Variants in RELL1 observed in about 807,000 individuals in gnomAD.
The protein encoded by RELL1 is RELT like 1, also known as RELT-like protein 1.
A neutral mutation model predicts 23.0 loss-of-function variants in RELL1; 10 were observed. The ratio of observed to expected loss-of-function variants is 0.43; its 90% CI spans 0.27 to 0.74. The LOEUF (loss-of-function observed/expected upper bound fraction) is 0.74. Among genes scored for constraint, RELL1 ranks in the 30% least tolerant of loss-of-function variants. The probability of loss-of-function intolerance (pLI) is 0.19; values close to 1 mark genes in which losing one functional copy is unlikely to be tolerated. For synonymous variants in RELL1, 146 were observed against 146.8 expected, an observed-to-expected ratio of 0.99 and a Z score of 0.04; for missense variants, 315 against 364.4, an observed-to-expected ratio of 0.86 and a Z score of 1.10.
intron 1 of RELL1, among the ~76,000 whole-genome samples, chr4:37,655,810 G>A (rs951873709): frequency 1.3e-5 from 2 of 152,240 alleles, no homozygotes; most frequent in Non-Finnish European, 2.9e-5. Flanking sequence ...AACAGCCAGA[G>A]CTCCAGTCTA....
intron 1 of RELL1, among the ~76,000 whole-genome samples, chr4:37,653,812 T>A (rs1419123598): frequency 1.3e-5 from 2 of 152,230 alleles, no homozygotes; most frequent in Admixed American, 1.3e-4. Context: ...CCAGCCACCA[T>A]GCTGTGAGGA....
intron 6 of RELL1, among the ~76,000 whole-genome samples, chr4:37,629,475 T>C (rs941446124): frequency 2.0e-5 from 3 of 152,234 alleles, no homozygotes; most frequent in African/African-American, 7.2e-5. Context: ...GACTAGAATA[T>C]TGAATTAACG....
chr4:37,638,771 A>C (rs1720422501), intron 3 of RELL1, among the ~76,000 whole-genome samples: 1 of 152,192 alleles, frequency 6.6e-6, no homozygotes, highest in African/African-American at 2.4e-5. Flanking sequence ...TGCTTCTTAC[A>C]CATCAATAGC....
chr4:37,593,857 C>G (rs1718733304), intron 6 of RELL1, among the ~76,000 whole-genome samples: 1 of 152,168 alleles, frequency 6.6e-6, no homozygotes, highest in South Asian at 2.1e-4. Flanking sequence ...GACTGGACAG[C>G]TACCGCTGCT....
downstream of RELL1, chr4:37,588,949 T>G (rs1252299975): frequency 1.4e-6 from 2 of 1,414,224 alleles, no homozygotes; most frequent in Non-Finnish European, 2.0e-6. Flanking sequence ...GTGATGAGCG[T>G]GGGGTCACTT....
rs958881869 is a variant in RELL1, at chr4:37,649,413, A to G, written c.176T>C (p.Ile59Thr). Residue 59 changes from isoleucine to threonine, a missense_variant, in exon 2 of 7, where the codon ATT becomes ACT. Coordinates refer to ENST00000454158, the MANE Select transcript of RELL1 (RefSeq NM_001085400.2). ...GAACACAGGGACAAGCGCGTATGCA[A>G]TATATTCTGGGTGTCCATTCCCAGT... ...NDTGNGHPEYIAYALVPVFFI... is the reference protein window; with the variant it reads ...NDTGNGHPEYTAYALVPVFFI... The G allele has an allele frequency of 1.2e-6, 2 of 1,614,244 alleles. No individual in the cohort carries two copies. The highest frequency in any genetic ancestry group is 1.7e-6 in the Non-Finnish European group (2 of 1,180,034).
intron 6 of RELL1, among the ~76,000 whole-genome samples, chr4:37,598,977 G>C (rs2940989): frequency 6.6e-6 from 1 of 151,932 alleles, no homozygotes; most frequent in African/African-American, 2.4e-5. Context: ...GAGCCACCGC[G>C]CCTGGCCCAA....
At chr4:37,590,885 A>G (rs988952739) in exon 7 of RELL1, 13 of 1,614,214 alleles carry the variant, frequency 8.1e-6, no homozygotes, top group Non-Finnish European at 1.0e-5. Flanking sequence ...GAGGATACCC[A>G]TGGCTCCGAT....
chr4:37,664,701 T>C (rs960943598), intron 1 of RELL1, among the ~76,000 whole-genome samples: 1 of 152,180 alleles, frequency 6.6e-6, no homozygotes, highest in Admixed American at 6.5e-5. Context: ...CACTTTTCAA[T>C]GCACTTTCAC....
At chr4:37,646,605 TACC>T (rs1409051010) in intron 3 of RELL1, among the ~76,000 whole-genome samples, 2 of 152,244 alleles carry the variant, frequency 1.3e-5, no homozygotes, top group Non-Finnish European at 2.9e-5. Context: ...ATGTGTATTT[TACC>T]ACAATTTTTT....
chr4:37,667,783 T>C (rs888056995), intron 1 of RELL1, among the ~76,000 whole-genome samples: 4 of 152,098 alleles, frequency 2.6e-5, no homozygotes, highest in African/African-American at 9.7e-5. Flanking sequence ...TCTGCTGCCA[T>C]TTGTAAGATA....
intron 3 of RELL1, among the ~76,000 whole-genome samples, chr4:37,646,867 A>T (rs1483491825): frequency 1.3e-5 from 2 of 152,092 alleles, no homozygotes; most frequent in Non-Finnish European, 2.9e-5. Flanking sequence ...AGCTGGGAAC[A>T]TAGGAATGTG....
chr4:37,648,682 A>T (rs1467884044), intron 2 of RELL1, among the ~76,000 whole-genome samples: 4 of 152,234 alleles, frequency 2.6e-5, no homozygotes, highest in African/African-American at 9.6e-5. Context: ...AGCTCTTGTC[A>T]TACTTTTTTC....
chr4:37,592,081 G>A (rs1395166842), intron 6 of RELL1, among the ~76,000 whole-genome samples: 4 of 151,836 alleles, frequency 2.6e-5, no homozygotes, highest in Admixed American at 6.6e-5. Context: ...GGTGGCGGGC[G>A]CCTGTAATCC....
At chr4:37,647,509 A>T in intron 2 of RELL1, 70 bp from the exon 3 acceptor site, 1 of 1,031,012 alleles carries the variant, frequency 9.7e-7, no homozygotes. Flanking sequence ...CAATCTTAGA[A>T]CCCAAGACCT....
intron 6 of RELL1, among the ~76,000 whole-genome samples, chr4:37,625,676 T>A (rs529177804): frequency 2.5e-4 from 38 of 152,278 alleles, no homozygotes; most frequent in Middle Eastern, 6.8e-3. Flanking sequence ...AAAGACTGTA[T>A]CAGAAATCTA....
intron 1 of RELL1, among the ~76,000 whole-genome samples, chr4:37,681,974 T>C (rs1292861490): frequency 6.6e-6 from 1 of 152,076 alleles, no homozygotes; most frequent in African/African-American, 2.4e-5. Flanking sequence ...AATAGTTTAG[T>C]AATAATAAGC....
At chr4:37,601,672 G>A (rs1437017819) in intron 6 of RELL1, among the ~76,000 whole-genome samples, 1 of 152,240 alleles carries the variant, frequency 6.6e-6, no homozygotes, top group South Asian at 2.1e-4. Context: ...TGGCGATGGA[G>A]TGAAGGCAGC....
intron 6 of RELL1, among the ~76,000 whole-genome samples, chr4:37,597,605 GCT>G (rs1383969911): frequency 2.0e-5 from 3 of 152,182 alleles, no homozygotes; most frequent in Non-Finnish European, 4.4e-5. Flanking sequence ...CCGACGTGCT[GCT>G]CTCTCTGTCT....
Sources: gnomAD v4.1 joint callset for allele counts (sites outside exome capture counted in the v4.1 genomes callset) on GRCh38, gnomAD v4.1.1 for gene constraint, MANE v1.5 for transcripts, NCBI Gene and HGNC (gene_info 2026-07-23, HGNC 2026-07-21) for gene names.